PCDHGA6: variants seen among roughly 807,000 people sequenced by gnomAD.
PCDHGA6 encodes protocadherin gamma-A6.
PCDHGA6 carries 41 observed loss-of-function variants against 60.6 expected under a neutral mutation model. That is an observed-to-expected ratio of 0.68 (90% CI 0.53 to 0.88). The LOEUF is 0.88. PCDHGA6 is among the 40% of genes least tolerant of loss of function. PCDHGA6 has a pLI of 0.00. For missense variants in PCDHGA6, 1,312 were observed against 1,203.0 expected (o/e 1.09, Z -1.34); for synonymous variants, 594 against 524.4 (o/e 1.13, Z -1.81).
At chr5:141,468,154 G>A (rs1374898668) in intron 1 of PCDHGA6, among the ~76,000 whole-genome samples, 2 of 151,838 alleles carry the variant, frequency 1.3e-5, no homozygotes, top group African/African-American at 2.4e-5. Flanking sequence ...GTGAAACCCT[G>A]TCTCTGCTAA....
rs1461617825 is a variant in PCDHGA6, at chr5:141,431,902, G to A, written c.2424+55395G>A. On this transcript the variant is annotated intron_variant, in intron 1 of 3. Coordinates refer to ENST00000517434, the MANE Select transcript of PCDHGA6 (RefSeq NM_018919.3). This position sits in a 1 kb window ranked among gnomAD's most constrained non-coding sequence, Gnocchi z 4.8. ...ACCAAGATTCTGAGGAAAACGGACA[G>A]GTGATCTGTTTCATCCAAGGAAATC... 1.2e-6 allele frequency: 2 copies of A among 1,613,764 alleles called. No homozygotes were observed. The highest frequency in any genetic ancestry group is 1.3e-5 in the African/African-American group (1 of 74,918).
At position 141,375,103 on chromosome 5, in the gene PCDHGA6, C is replaced by G. The variant is rs1230243964; in HGVS notation, c.1020C>G (p.Val340=). Residue 340 remains valine (V), a synonymous_variant, in exon 1 of 4, where the codon GTC becomes GTG. Transcript: ENST00000517434. ...RAKVLITILD[V]NDNVPEVVVT... Reference sequence around the variant, plus strand: ...AAGTCTTAATAACTATCTTGGATGTCAATGATAATGTACCAGAAGTGGTTG... The same window carrying G: ...AAGTCTTAATAACTATCTTGGATGTGAATGATAATGTACCAGAAGTGGTTG... The G allele has an allele frequency of 6.2e-7, 1 of 1,613,900 alleles. No homozygotes were observed. The highest frequency in any genetic ancestry group is 1.1e-5 in the South Asian group (1 of 91,072).
At chr5:141,394,224 A>G (rs375614946) in intron 1 of PCDHGA6, 380 of 1,613,788 alleles carry the variant, frequency 2.4e-4, no homozygotes, top group Middle Eastern at 1.3e-3. Context: ...AGGAGCCTCC[A>G]TCTTTTCCTT....
At chr5:141,393,056 C>G in intron 1 of PCDHGA6, 2 of 1,613,606 alleles carry the variant, frequency 1.2e-6, no homozygotes, top group South Asian at 1.1e-5. Context: ...ACCCGCGCAG[C>G]GGCAGCTTGA....
At chr5:141,497,465 G>A (rs189158903) in intron 2 of PCDHGA6, among the ~76,000 whole-genome samples, 1 of 152,024 alleles carries the variant, frequency 6.6e-6, no homozygotes, top group East Asian at 1.9e-4. Flanking sequence ...TTGGAGATAT[G>A]GAGGAGAAGG....
intron 1 of PCDHGA6, among the ~76,000 whole-genome samples, chr5:141,483,294 T>G (rs1392406131): frequency 2.0e-5 from 3 of 152,100 alleles, no homozygotes; most frequent in Non-Finnish European, 4.4e-5. Flanking sequence ...CAGTCATAAG[T>G]GAAGGGACTG....
At chr5:141,426,625 A>G (rs770683989) in intron 1 of PCDHGA6, 29 of 394,754 alleles carry the variant, frequency 7.3e-5, no homozygotes, top group South Asian at 7.2e-5. Context: ...AATCCTCTAA[A>G]TGTTTTTCAC....
rs1183309479 is a variant in PCDHGA6 at position 141,404,628 on chromosome 5, C to G, written c.2424+28121C>G. 1.9e-6 allele frequency: 3 copies of G among 1,614,100 alleles called. No homozygotes were observed. In the South Asian group the frequency reaches 3.3e-5, roughly 18 times the overall value. Reference sequence around the variant, plus strand: ...TTTGTTTTGGACCAGAATGACAATGCCCCAGAAATCCTGTACCCTGCCCTC... The same window carrying G: ...TTTGTTTTGGACCAGAATGACAATGGCCCAGAAATCCTGTACCCTGCCCTC... On this transcript the variant is annotated intron_variant, in intron 1 of 3. Transcript: ENST00000517434.
intron 1 of PCDHGA6, among the ~76,000 whole-genome samples, chr5:141,379,851 T>G (rs1388767497): frequency 6.7e-6 from 1 of 148,750 alleles, no homozygotes; most frequent in Non-Finnish European, 1.5e-5. Context: ...AACTACCAAA[T>G]TATTGTCTTA....
intron 1 of PCDHGA6, chr5:141,392,777 A>G (rs1226924811): frequency 1.3e-6 from 2 of 1,529,440 alleles, no homozygotes; most frequent in Non-Finnish European, 1.8e-6. Flanking sequence ...ATTTATGCAC[A>G]GTGAAGATTC....
chr5:141,422,304 A>C (rs1265775894), intron 1 of PCDHGA6: 2 of 1,548,406 alleles, frequency 1.3e-6, no homozygotes. Context: ...CAATTCTGGA[A>C]AACTCTCCTC....
chr5:141,505,681 G>A (rs113733387), intron 3 of PCDHGA6, among the ~76,000 whole-genome samples, 200 bp downstream of exon 3: 92 of 152,324 alleles, frequency 6.0e-4, no homozygotes, highest in African/African-American at 2.1e-3. Flanking sequence ...GGGGTCCTGG[G>A]ATGCCTGGAG....
intron 1 of PCDHGA6, chr5:141,388,667 G>A (rs1561620639): frequency 1.2e-6 from 2 of 1,613,918 alleles, no homozygotes; most frequent in Non-Finnish European, 8.5e-7. Flanking sequence ...GGACCACGGT[G>A]CTACAGGTGA....
intron 1 of PCDHGA6, among the ~76,000 whole-genome samples, chr5:141,439,422 A>C (rs1476209707): frequency 6.6e-6 from 1 of 152,188 alleles, no homozygotes; most frequent in Non-Finnish European, 1.5e-5. Context: ...TGAGGTTATA[A>C]ATTCCCAGGA....
chr5:141,481,071 A>G (rs887828386), intron 1 of PCDHGA6, among the ~76,000 whole-genome samples: 19 of 152,172 alleles, frequency 1.2e-4, no homozygotes, highest in African/African-American at 4.6e-4. Context: ...AACAAAAAGA[A>G]AGAAAGAAAA....
At chr5:141,421,582 G>A (rs531591776) in intron 1 of PCDHGA6, 4 of 1,613,874 alleles carry the variant, frequency 2.5e-6, no homozygotes, top group Non-Finnish European at 2.5e-6. Flanking sequence ...GAAGATTTAC[G>A]GAGTGGAGGT....
rs1187424114 is a variant in PCDHGA6, at chr5:141,485,341, G to A, written c.2425-9466G>A. On this transcript the variant is annotated intron_variant, in intron 1 of 3. Transcript: ENST00000517434. The surrounding 1 kb of genome is among the most constrained non-coding windows in gnomAD (Gnocchi z 5.7). ...TCGCTCAAGATTTCCTGCTGGATAC[G>A]GACAGTCTGTCAGCTCGCAGGCTGC... 2 of 1,614,118 alleles carry A rather than the reference G, an allele frequency of 1.2e-6. No individual in the cohort carries two copies. The highest frequency in any genetic ancestry group is 1.7e-5 in the Admixed American group (1 of 60,018).
intron 1 of PCDHGA6, chr5:141,409,257 T>C: frequency 6.2e-7 from 1 of 1,614,022 alleles, no homozygotes; most frequent in Non-Finnish European, 8.5e-7. Flanking sequence ...ATCACTTCTC[T>C]CTCTGATCAG....
chr5:141,410,849 C>CTTTTTTTTTTT lies in PCDHGA6; in HGVS notation c.2424+34354_2424+34364dup, dbSNP rs759346998. On this transcript the variant is annotated intron_variant, in intron 1 of 3. Coordinates refer to ENST00000517434, the MANE Select transcript of PCDHGA6 (RefSeq NM_018919.3). ...CAGACTGAAGATATTTTGTCTTTGT[C>CTTTTTTTTTTT]TTTTTTTTTTTTTTTTTTTTTTGAG... 217 of 138,154 alleles carry CTTTTTTTTTTT rather than the reference C, an allele frequency of 1.6e-3. 10 individuals carry two copies. The highest frequency in any genetic ancestry group is 4.0e-3 in the African/African-American group (66 of 16,622). The allele number at this position is 138,154 out of a possible 1,614,324, so 8.6% of individuals were successfully genotyped here.
Sources: allele counts gnomAD v4.1 joint callset (sites outside exome capture counted in the v4.1 genomes callset), GRCh38; gene constraint gnomAD v4.1.1; non-coding constraint Gnocchi (gnomAD v3.1); transcripts MANE v1.5; gene names NCBI Gene and HGNC (gene_info 2026-07-23, HGNC 2026-07-21).